The following NCOR2 variants were observed in gnomAD, a reference collection of about 807,000 sequenced individuals.
NCOR2 encodes the protein CTG repeat protein 26.
Under a neutral mutation model 262.9 loss-of-function variants are expected in NCOR2, and 81 were observed. That is an observed-to-expected ratio of 0.31 (90% CI 0.26 to 0.37). The LOEUF is 0.37. NCOR2 is among the 10% of genes least tolerant of loss of function. The pLI is 1.00. For synonymous variants in NCOR2, 1,659 were observed against 1,559.3 expected, an observed-to-expected ratio of 1.06 and a Z score of -1.51; for missense variants, 3,385 against 3,621.4, an observed-to-expected ratio of 0.93 and a Z score of 1.68.
In NCOR2 at chr12:124,523,128, G is replaced by C. The variant is rs934038362; in HGVS notation, c.-118+12437C>G. Reference sequence around the variant, plus strand: ...ATGAAGCCCTGACCACGTTGGCTAAGGGAAGCCAACGGTACTCCAGGGCTG... The same window carrying C: ...ATGAAGCCCTGACCACGTTGGCTAACGGAAGCCAACGGTACTCCAGGGCTG... On this transcript the variant is annotated intron_variant, in intron 1 of 46. Transcript: ENST00000404621. This position sits in a 1 kb window ranked among gnomAD's most constrained non-coding sequence, Gnocchi z 4.0. 6.6e-6 allele frequency among the ~76,000 whole-genome samples: 1 copy of C among 152,224 alleles called. No individual in the cohort carries two copies. Among genetic ancestry groups the C allele is most frequent in the Non-Finnish European group, 1.5e-5 (1 of 68,042 alleles).
In NCOR2 at chr12:124,348,325, C is replaced by T; in HGVS notation, c.3845-11G>A. The T allele has an allele frequency of 6.3e-7, 1 of 1,598,518 alleles. No individual in the cohort carries two copies. The highest frequency in any genetic ancestry group is 8.5e-7 in the Non-Finnish European group (1 of 1,171,288). On this transcript the variant is annotated splice_polypyrimidine_tract_variant and intron_variant, in intron 28 of 46. Transcript: ENST00000405201. Reference sequence around the variant, plus strand: ...TCACAGACATGCCACCTGGAAACCACACAAAGCACTCGGTGAGGAGCTGGG... The same window carrying T: ...TCACAGACATGCCACCTGGAAACCATACAAAGCACTCGGTGAGGAGCTGGG...
At chr12:124,416,718 G>A (rs944973004) in intron 13 of NCOR2, among the ~76,000 whole-genome samples, 9 of 145,274 alleles carry the variant, frequency 6.2e-5, no homozygotes, top group Non-Finnish European at 9.0e-5. Flanking sequence ...TAGAACCCGC[G>A]GCACAGGGAG....
chr12:124,441,976 G>T (rs532074145), intron 7 of NCOR2, among the ~76,000 whole-genome samples: 2 of 152,346 alleles, frequency 1.3e-5, no homozygotes, highest in Non-Finnish European at 1.5e-5. Context: ...GCCGTCACGG[G>T]CTGGAGACTA....
chr12:124,334,691 A>G, intron 40 of NCOR2, 74 bp from the exon 43 acceptor site: 3 of 767,710 alleles, frequency 3.9e-6, no homozygotes, highest in Non-Finnish European at 5.9e-6. Flanking sequence ...GGGAGGGGCT[A>G]GACGGAGCTC....
chr12:124,351,194 C>A (rs2037426021), intron 27 of NCOR2, among the ~76,000 whole-genome samples: 1 of 152,172 alleles, frequency 6.6e-6, no homozygotes, highest in Admixed American at 6.5e-5. Flanking sequence ...CATTCAGTTA[C>A]CGAAAACGGT....
At chr12:124,491,929 G>A (rs1463363030) in intron 1 of NCOR2, among the ~76,000 whole-genome samples, 1 of 152,202 alleles carries the variant, frequency 6.6e-6, no homozygotes, top group Non-Finnish European at 1.5e-5. Flanking sequence ...AAGCGGGAGG[G>A]CAGGGATGAT....
intron 43 of NCOR2, chr12:124,331,460 AT>A (rs776685556): frequency 0.018 from 2,383 of 136,146 alleles, 35 homozygotes; most frequent in African/African-American, 0.047. Context: ...TGGGTCAGAG[AT>A]TTTTTTTTTT....
intron 13 of NCOR2, among the ~76,000 whole-genome samples, chr12:124,415,356 C>T (rs2042802329): frequency 6.6e-6 from 1 of 152,262 alleles, no homozygotes; most frequent in Non-Finnish European, 1.5e-5. Context: ...CAGAGACGCT[C>T]AGCTGGCGGC....
chr12:124,347,661 C>T (rs1456851084), intron 30 of NCOR2, 164 bp downstream of exon 32: 2 of 666,494 alleles, frequency 3.0e-6, no homozygotes, highest in African/African-American at 3.6e-5. Context: ...TAAGAGACAC[C>T]CTTGCTCCGT....
At chr12:124,397,207 C>T (rs918264925) in intron 16 of NCOR2, among the ~76,000 whole-genome samples, 2 of 152,212 alleles carry the variant, frequency 1.3e-5, no homozygotes, top group South Asian at 2.1e-4. Context: ...CAGTGATGCG[C>T]CAGCTCCGAC....
chr12:124,466,360 G>A, intron 4 of NCOR2, 74 bp from the exon 7 acceptor site: 3 of 1,410,178 alleles, frequency 2.1e-6, no homozygotes, highest in South Asian at 2.4e-5. Flanking sequence ...CCAGGGCGCG[G>A]GGAGGCCCCC....
intron 11 of NCOR2, 88 bp from the exon 14 acceptor site, chr12:124,422,643 C>A: frequency 6.6e-7 from 1 of 1,526,432 alleles, no homozygotes; most frequent in South Asian, 1.1e-5. Flanking sequence ...CCTGCCATCC[C>A]CACTGGCCGG....
At chr12:124,367,910 A>G (rs1466290586) in intron 20 of NCOR2, among the ~76,000 whole-genome samples, 1 of 152,236 alleles carries the variant, frequency 6.6e-6, no homozygotes, top group East Asian at 1.9e-4. Context: ...CTGGGATTAC[A>G]GGCATGAGCC....
intron 29 of NCOR2, 67 bp from the exon 32 acceptor site, chr12:124,347,978 T>A: frequency 1.3e-6 from 2 of 1,510,254 alleles, no homozygotes; most frequent in African/African-American, 1.4e-5. Flanking sequence ...GTGACAGGGG[T>A]CAGTGTTTAC....
chr12:124,520,762 T>A (rs976863552), intron 1 of NCOR2, among the ~76,000 whole-genome samples: 1 of 152,056 alleles, frequency 6.6e-6, no homozygotes, highest in African/African-American at 2.4e-5. Flanking sequence ...GAACTCCCCA[T>A]CACGCAAGCC....
chr12:124,554,794 C>T (rs1034717788), intron 1 of NCOR2, among the ~76,000 whole-genome samples: 2 of 152,252 alleles, frequency 1.3e-5, no homozygotes, highest in Non-Finnish European at 2.9e-5. Flanking sequence ...GCTTCCTGCC[C>T]GCCGCTACAG....
At chr12:124,433,341 C>A (rs2044090160) in intron 8 of NCOR2, among the ~76,000 whole-genome samples, 1 of 152,230 alleles carries the variant, frequency 6.6e-6, no homozygotes, top group South Asian at 2.1e-4. Flanking sequence ...TCCAAGAGGC[C>A]CCAGGCTCAT....
chr12:124,486,633 C>A, intron 1 of NCOR2, 65 bp from the exon 4 acceptor site: 1 of 1,509,034 alleles, frequency 6.6e-7, no homozygotes, highest in Admixed American at 2.1e-5. Flanking sequence ...CACGGCAGGG[C>A]ACAGTGGGCA....
rs142703829 is a variant in NCOR2, at chr12:124,378,640, C to G, written c.2020-256G>C. On this transcript the variant is annotated intron_variant, in intron 17 of 46. Coordinates refer to ENST00000405201, the Ensembl canonical transcript of NCOR2. The surrounding 1 kb of genome is among the most constrained non-coding windows in gnomAD (Gnocchi z 4.2). ...GCCCCTCAGCCACCCTGACATCCTT[C>G]CTGAGCACGAGAGAACCTGCCTGAC... Among the ~76,000 whole-genome samples, 1 of 152,354 alleles carries G rather than the reference C, an allele frequency of 6.6e-6. No homozygotes were observed. Among genetic ancestry groups the G allele is most frequent in the Non-Finnish European group, 1.5e-5 (1 of 68,030 alleles).
Sources: gnomAD v4.1 joint callset for allele counts (sites outside exome capture counted in the v4.1 genomes callset) on GRCh38, gnomAD v4.1.1 for gene constraint, Gnocchi (gnomAD v3.1) non-coding constraint, MANE v1.5 for transcripts, NCBI Gene and HGNC (gene_info 2026-07-23, HGNC 2026-07-21) for gene names.